Variants in ANKRD31 observed in about 807,000 individuals in gnomAD.
The protein encoded by ANKRD31 is ankyrin repeat domain-containing protein 31.
Under a neutral mutation model 186.0 loss-of-function variants are expected in ANKRD31, and 147 were observed. The ratio of observed to expected loss-of-function variants is 0.79; its 90% confidence interval spans 0.69 to 0.91. The LOEUF (loss-of-function observed/expected upper bound fraction) is 0.91, where lower values mean the gene tolerates loss of function less well. Ranked by LOEUF, ANKRD31 falls within the 40% of genes least tolerant of loss-of-function variation. ANKRD31 has a pLI of 0.00. For missense variants in ANKRD31, 1,986 were observed against 2,148.8 expected (o/e 0.92, Z 1.50); for synonymous variants, 673 against 736.4 (o/e 0.91, Z 1.39).
chr5:75,114,760 A>T (rs890710492), intron 19 of ANKRD31, among the ~76,000 whole-genome samples: 1 of 152,212 alleles, frequency 6.6e-6, no homozygotes, highest in Non-Finnish European at 1.5e-5. Context: ...ATAAAAGAGG[A>T]TACAAACAAA....
chr5:75,102,809 G>A (rs1747013415), intron 22 of ANKRD31, among the ~76,000 whole-genome samples: 3 of 152,134 alleles, frequency 2.0e-5, no homozygotes, highest in Admixed American at 2.0e-4. Flanking sequence ...GGAGTGTCCC[G>A]ATTTTCCAGG....
At chr5:75,224,163 A>G (rs1261983060) in intron 2 of ANKRD31, among the ~76,000 whole-genome samples, 28 of 91,562 alleles carry the variant, frequency 3.1e-4, no homozygotes, top group Non-Finnish European at 4.5e-4. Flanking sequence ...ATATATATGT[A>G]TATATATATA....
At chr5:75,216,545 A>G (rs1279593310) in intron 3 of ANKRD31, among the ~76,000 whole-genome samples, 2 of 152,170 alleles carry the variant, frequency 1.3e-5, no homozygotes, top group East Asian at 3.8e-4. Flanking sequence ...TAATTTTTAA[A>G]TGAGTTATTA....
intron 19 of ANKRD31, among the ~76,000 whole-genome samples, chr5:75,114,026 T>C (rs1038225851): frequency 3.9e-5 from 6 of 152,194 alleles, no homozygotes; most frequent in African/African-American, 1.4e-4. Context: ...CAAGGTTTCA[T>C]TGAGGATGCT....
intron 15 of ANKRD31, among the ~76,000 whole-genome samples, chr5:75,140,022 C>T (rs772874085): frequency 7.9e-5 from 12 of 151,660 alleles, no homozygotes; most frequent in Non-Finnish European, 1.2e-4. Context: ...GGCTGATGTC[C>T]GTAATCCCAG....
At chr5:75,079,488 G>A (rs915596875) in intron 25 of ANKRD31, among the ~76,000 whole-genome samples, 6 of 150,008 alleles carry the variant, frequency 4.0e-5, no homozygotes, top group Non-Finnish European at 8.9e-5. Flanking sequence ...TTGAGACAGA[G>A]TTTTGCTCTT....
intron 22 of ANKRD31, among the ~76,000 whole-genome samples, chr5:75,092,970 A>C (rs1450803583): frequency 6.6e-6 from 1 of 152,216 alleles, no homozygotes; most frequent in African/African-American, 2.4e-5. Flanking sequence ...TAACTGAAAT[A>C]AAACATTTAC....
chr5:75,165,024 A>G (rs1370168185), intron 11 of ANKRD31, among the ~76,000 whole-genome samples: 1 of 152,150 alleles, frequency 6.6e-6, no homozygotes, highest in Non-Finnish European at 1.5e-5. Context: ...TGTCCCTGTG[A>G]TATGTATGGC....
intron 11 of ANKRD31, 60 bp from the exon 12 acceptor site, chr5:75,154,405 T>C: frequency 7.2e-7 from 1 of 1,384,584 alleles, no homozygotes; most frequent in Non-Finnish European, 9.5e-7. Context: ...TGTGAATGTG[T>C]GCTAGCAGAC....
chr5:75,233,815 C>T (rs112047813), intron 1 of ANKRD31, among the ~76,000 whole-genome samples: 297 of 152,110 alleles, frequency 2.0e-3, no homozygotes, highest in African/African-American at 6.2e-3. Context: ...ACTCAGCAGA[C>T]CCAGGCAAGA....
intron 22 of ANKRD31, among the ~76,000 whole-genome samples, chr5:75,095,227 T>G (rs1746223696): frequency 6.6e-6 from 1 of 152,086 alleles, no homozygotes; most frequent in Non-Finnish European, 1.5e-5. Flanking sequence ...CCCAGCACTT[T>G]GGGAGGCTGA....
At chr5:75,087,114 C>G (rs2150024460) in intron 23 of ANKRD31, among the ~76,000 whole-genome samples, 1 of 152,288 alleles carries the variant, frequency 6.6e-6, no homozygotes, top group Admixed American at 6.5e-5. Context: ...CATAACCCAC[C>G]TTTGCATATA....
intron 11 of ANKRD31, among the ~76,000 whole-genome samples, chr5:75,162,857 T>C (rs867047328): frequency 6.8e-6 from 1 of 147,404 alleles, no homozygotes; most frequent in Non-Finnish European, 1.5e-5. Context: ...CAGTGAAATA[T>C]ATCCTTTTAG....
chr5:75,165,105 T>A (rs565379079), intron 11 of ANKRD31, among the ~76,000 whole-genome samples: 1 of 152,216 alleles, frequency 6.6e-6, no homozygotes, highest in Non-Finnish European at 1.5e-5. Context: ...CAATGTCTTA[T>A]GCTTTCAGAG....
At chr5:75,208,397 T>G (rs1161718152) in intron 4 of ANKRD31, among the ~76,000 whole-genome samples, 1 of 152,000 alleles carries the variant, frequency 6.6e-6, no homozygotes, top group Non-Finnish European at 1.5e-5. Context: ...AGAACCAAGG[T>G]CTCCATCTGA....
intron 22 of ANKRD31, among the ~76,000 whole-genome samples, chr5:75,099,030 C>T (rs1470175231): frequency 1.3e-5 from 2 of 152,084 alleles, no homozygotes; most frequent in African/African-American, 4.8e-5. Context: ...GGAATGCTTC[C>T]AGTTTTTGCC....
At chr5:75,128,268 G>A (rs1349174337) in intron 17 of ANKRD31, among the ~76,000 whole-genome samples, 1 of 149,424 alleles carries the variant, frequency 6.7e-6, no homozygotes, top group East Asian at 2.0e-4. Flanking sequence ...GGGGGTGGGG[G>A]ACTAGGGGAG....
intron 19 of ANKRD31, among the ~76,000 whole-genome samples, chr5:75,114,692 A>T (rs2150075446): frequency 6.6e-6 from 1 of 152,306 alleles, no homozygotes; most frequent in Admixed American, 6.5e-5. Context: ...TAGGAATCCA[A>T]CTTACAAGGG....
intron 22 of ANKRD31, among the ~76,000 whole-genome samples, chr5:75,102,122 C>T (rs1746941838): frequency 6.6e-6 from 1 of 152,118 alleles, no homozygotes; most frequent in South Asian, 2.1e-4. Flanking sequence ...TGTGGATGTC[C>T]TTTCTGTTTG....
Sources: gnomAD v4.1 joint callset for allele counts (sites outside exome capture counted in the v4.1 genomes callset) on GRCh38, gnomAD v4.1.1 for gene constraint, MANE v1.5 for transcripts, NCBI Gene and HGNC (gene_info 2026-07-23, HGNC 2026-07-21) for gene names.